The following HDAC9 variants were observed in gnomAD, a reference collection of about 807,000 sequenced individuals.
HDAC9 encodes the protein MEF-2 interacting transcription repressor (MITR) protein.
HDAC9 carries 41 observed loss-of-function variants against 139.4 expected under a neutral mutation model. That is an observed-to-expected ratio of 0.29 (90% CI 0.23 to 0.38). HDAC9 has a LOEUF of 0.38. Ranked by LOEUF, HDAC9 falls within the 10% of genes least tolerant of loss-of-function variation. The probability of loss-of-function intolerance (pLI) is 1.00; values close to 1 mark genes in which losing one functional copy is unlikely to be tolerated. For synonymous variants in HDAC9, 517 were observed against 476.2 expected (o/e 1.09, Z -1.12); for missense variants, 1,147 against 1,297.0 (o/e 0.88, Z 1.78).
At chr7:18,341,847 C>T (rs907853999) in intron 1 of HDAC9, among the ~76,000 whole-genome samples, 1 of 151,318 alleles carries the variant, frequency 6.6e-6, no homozygotes, top group African/African-American at 2.4e-5. Flanking sequence ...ATTTTTTGTA[C>T]TTCTATAAAT....
intron 1 of HDAC9, among the ~76,000 whole-genome samples, chr7:18,123,340 A>G (rs1364643305): frequency 6.6e-6 from 1 of 152,180 alleles, no homozygotes; most frequent in African/African-American, 2.4e-5. Flanking sequence ...TTATAAACAA[A>G]TATGTAACCC....
At chr7:18,263,103 G>T (rs1795783245) in intron 2 of HDAC9, among the ~76,000 whole-genome samples, 1 of 152,178 alleles carries the variant, frequency 6.6e-6, no homozygotes, top group Admixed American at 6.5e-5. Context: ...TATTCTCTAT[G>T]TAAGAGACAC....
rs1201054197 is a variant in HDAC9 at position 18,762,169 on chromosome 7, C to T, written c.2056C>T (p.Arg686Ter). 1.2e-6 allele frequency: 2 copies of T among 1,613,278 alleles called. No individual in the cohort carries two copies. The highest frequency in any genetic ancestry group is 2.2e-5 in the East Asian group (1 of 44,882). The change falls in exon 15 of 26, where the codon CGA becomes TGA. Residue 686 changes from arginine to a stop codon, truncating the protein, a stop_gained. Transcript: ENST00000686413. LOFTEE classifies it high-confidence loss of function. ...TATTTTCTTGCAGCGAATTCAAGGT[C>T]GAAAAGCCAGCCTGGAGGAAATACA... is the stretch of plus-strand genomic sequence containing the variant. ...LLNKCERIQGRKASLEEIQLV... is the reference protein window; with the variant it reads ...LLNKCERIQG
chr7:18,819,439 G>A (rs1028946476), intron 17 of HDAC9, among the ~76,000 whole-genome samples: 1 of 152,026 alleles, frequency 6.6e-6, no homozygotes, highest in South Asian at 2.1e-4. Flanking sequence ...TGATAAATTT[G>A]CCCAGAAAAT....
At chr7:18,725,947 A>T (rs1164887050) in intron 12 of HDAC9, among the ~76,000 whole-genome samples, 1 of 152,200 alleles carries the variant, frequency 6.6e-6, no homozygotes, top group African/African-American at 2.4e-5. Flanking sequence ...CAAAGCCTCA[A>T]TATGTGAAAT....
Position 18,294,946 on chromosome 7 carries a change from T to C in HDAC9, c.-42+4431T>C, listed in dbSNP as rs370091253. Among the ~76,000 whole-genome samples the C allele has an allele frequency of 4.6e-5, 7 of 152,104 alleles. No homozygotes were observed. The South Asian group carries it at 1.4e-3, about 31-fold the overall frequency. ...GGATGTCATTGGGGAGCATCAATTATGATCCTATGGTGTTTAGCAACTGGG... is the reference window on the plus strand; with the variant it reads ...GGATGTCATTGGGGAGCATCAATTACGATCCTATGGTGTTTAGCAACTGGG... On this transcript the variant is annotated intron_variant, in intron 1 of 3. Coordinates refer to the HDAC9 transcript ENST00000413509.
intron 24 of HDAC9, among the ~76,000 whole-genome samples, chr7:18,954,704 A>G (rs79063668): frequency 0.04 from 6,130 of 152,062 alleles, 152 homozygotes; most frequent in South Asian, 0.066. Context: ...TTATTATCCA[A>G]CTCCCTTCAC....
chr7:18,765,632 A>G (rs983513184), intron 15 of HDAC9, among the ~76,000 whole-genome samples: 3 of 152,164 alleles, frequency 2.0e-5, no homozygotes, highest in African/African-American at 7.2e-5. Context: ...CTATGTTATC[A>G]TATTATCTTC....
intron 2 of HDAC9, among the ~76,000 whole-genome samples, chr7:18,202,265 C>G (rs550518416): frequency 6.6e-6 from 1 of 152,232 alleles, no homozygotes; most frequent in Admixed American, 6.5e-5. Flanking sequence ...TTCACTATTT[C>G]ATTTTGTTCC....
chr7:18,313,114 A>G (rs1257550621), intron 1 of HDAC9, among the ~76,000 whole-genome samples: 1 of 152,148 alleles, frequency 6.6e-6, no homozygotes, highest in Non-Finnish European at 1.5e-5. Flanking sequence ...GTTCAGCTTT[A>G]CGAAGAAAAC....
intron 22 of HDAC9, among the ~76,000 whole-genome samples, chr7:18,879,806 C>T (rs1188645932): frequency 6.6e-6 from 1 of 152,076 alleles, no homozygotes; most frequent in African/African-American, 2.4e-5. Flanking sequence ...CAAAAATTGA[C>T]AAGTGAGATC....
At chr7:18,587,435 G>T (rs1016087762) in intron 3 of HDAC9, among the ~76,000 whole-genome samples, 1 of 152,036 alleles carries the variant, frequency 6.6e-6, no homozygotes, top group Non-Finnish European at 1.5e-5. Flanking sequence ...GAAGTTTTTT[G>T]ATTTTTAGAA....
intron 6 of HDAC9, among the ~76,000 whole-genome samples, chr7:18,624,659 C>G (rs963759599): frequency 6.6e-6 from 1 of 152,042 alleles, no homozygotes; most frequent in Admixed American, 6.6e-5. Context: ...GCATGGAAAT[C>G]TTCAGCCTTT....
At chr7:18,939,061 C>T (rs1407766028) in intron 23 of HDAC9, among the ~76,000 whole-genome samples, 1 of 152,136 alleles carries the variant, frequency 6.6e-6, no homozygotes, top group Non-Finnish European at 1.5e-5. Flanking sequence ...ATTGAACTTA[C>T]TAATTAATAT....
chr7:18,772,351 T>C (rs1790368969), intron 16 of HDAC9, among the ~76,000 whole-genome samples: 1 of 152,012 alleles, frequency 6.6e-6, no homozygotes, highest in Admixed American at 6.6e-5. Context: ...AAACCCCACC[T>C]TCTGTTTATG....
intron 11 of HDAC9, among the ~76,000 whole-genome samples, chr7:18,650,565 G>A (rs773448748): frequency 2.6e-5 from 4 of 152,100 alleles, no homozygotes; most frequent in Non-Finnish European, 5.9e-5. Flanking sequence ...TCGAGATTTT[G>A]ACAGGCGAAT....
At chr7:18,791,287 T>A (rs959172217) in intron 16 of HDAC9, among the ~76,000 whole-genome samples, 1 of 152,242 alleles carries the variant, frequency 6.6e-6, no homozygotes, top group African/African-American at 2.4e-5. Flanking sequence ...ATACATCTTT[T>A]GGAATTTATT....
intron 6 of HDAC9, among the ~76,000 whole-genome samples, chr7:18,616,283 T>C (rs372390005): frequency 3.9e-4 from 32 of 81,888 alleles, no homozygotes; most frequent in African/African-American, 4.9e-4. Flanking sequence ...GGGGCATTAT[T>C]CTGCCTACCC....
chr7:18,560,921 A>G (rs1286058848), intron 2 of HDAC9, among the ~76,000 whole-genome samples: 1 of 152,082 alleles, frequency 6.6e-6, no homozygotes, highest in Non-Finnish European at 1.5e-5. Flanking sequence ...CTTGGACCTC[A>G]CCTTGTCCCG....
Sources: gnomAD v4.1 joint callset for allele counts (sites outside exome capture counted in the v4.1 genomes callset) on GRCh38, gnomAD v4.1.1 for gene constraint, MANE v1.5 for transcripts, NCBI Gene and HGNC (gene_info 2026-07-23, HGNC 2026-07-21) for gene names.